CDK13: variants seen among roughly 807,000 people sequenced by gnomAD.
CDK13 encodes cyclin-dependent kinase 13.
Under a neutral mutation model 137.6 loss-of-function variants are expected in CDK13, and 40 were observed. That is an observed-to-expected ratio of 0.29 (90% confidence interval 0.23 to 0.38). The LOEUF (loss-of-function observed/expected upper bound fraction) is 0.38. Ranked by LOEUF, CDK13 falls within the 10% of genes least tolerant of loss-of-function variation. The pLI is 1.00. For missense variants in CDK13, 1,704 were observed against 1,951.8 expected (o/e 0.87, Z 2.39); for synonymous variants, 869 against 760.1 (o/e 1.14, Z -2.36).
intron 1 of CDK13, among the ~76,000 whole-genome samples, chr7:39,972,881 T>G (rs911308384): frequency 6.6e-6 from 1 of 152,202 alleles, no homozygotes; most frequent in African/African-American, 2.4e-5. Flanking sequence ...GTCAAGCTGT[T>G]TTTTAAAGTA....
intron 1 of CDK13, 130 bp from the exon 2 acceptor site, chr7:39,987,469 C>A: frequency 1.2e-6 from 1 of 831,414 alleles, no homozygotes; most frequent in Non-Finnish European, 1.8e-6. Flanking sequence ...TTTTTCAAAA[C>A]TTCAAAAATG....
In CDK13 at chr7:39,977,553, CTG is replaced by C. The variant is rs1311720173; in HGVS notation, c.1212-10043_1212-10042del. 5.3e-5 allele frequency among the ~76,000 whole-genome samples: 8 copies of C among 152,276 alleles called. No homozygotes were observed. In the East Asian group the frequency reaches 1.2e-3, roughly 22 times the overall value. ...GAGGGCTTTATAAAGGTGGTAAACA[CTG>C]TGCTGAGATACGAAGTATCCTTTTG... is the stretch of plus-strand genomic sequence containing the variant. On this transcript the variant is annotated intron_variant, in intron 1 of 13. Transcript: ENST00000181839.
chr7:39,951,216 A>G lies in CDK13; in HGVS notation c.575A>G (p.Glu192Gly), dbSNP rs947806089. The change falls in exon 1 of 14, where the codon GAG becomes GGG. Residue 192 changes from glutamate (E) to glycine (G), a missense_variant. Physicochemically the swap from Glu to Gly is moderately conservative, Grantham distance 98. Coordinates refer to ENST00000181839, the MANE Select transcript of CDK13 (RefSeq NM_003718.5). Reference sequence around the variant, plus strand: ...TCCTCCGGCACCCAGCGGCGCGGGGAGGGGTCGGAGCGCAGGCCCCGCCGG... The same window carrying G: ...TCCTCCGGCACCCAGCGGCGCGGGGGGGGGTCGGAGCGCAGGCCCCGCCGG... Reference protein sequence around the residue: ...ASSSGTQRRGEGSERRPRRDR... With the variant: ...ASSSGTQRRGGGSERRPRRDR... 3 of 1,253,742 alleles carry G rather than the reference A, an allele frequency of 2.4e-6. No homozygotes were observed. Among genetic ancestry groups the G allele is most frequent in the Non-Finnish European group, 3.0e-6 (3 of 1,001,662 alleles). The allele number at this position is 1,253,742 out of a possible 1,614,324, so 77.7% of individuals were successfully genotyped here. A position where few individuals can be genotyped will look rare whatever the true frequency, so the allele number is the denominator to read the frequency against.
rs1230659789 is a variant in CDK13, at chr7:39,951,236, C to G, written c.595C>G (p.Arg199Gly). The change falls in exon 1 of 14, where the codon CGC (arginine) becomes GGC (glycine). Residue 199 changes from arginine (R) to glycine (G), a missense_variant. This residue lies in a region of CDK13 where 1,051 missense variants were observed against 931.0 expected (regional missense o/e 1.13). Transcript: ENST00000181839. ...CGGGGAGGGGTCGGAGCGCAGGCCC[C>G]GCCGGGACCGCCGCAGCAGCAGTGG... ...RRGEGSERRP[R>G]RDRRSSSGRS... 2.3e-6 allele frequency: 3 copies of G among 1,287,502 alleles called. No homozygotes were observed. The highest frequency in any genetic ancestry group is 4.2e-5 in the Admixed American group (1 of 23,666). The allele number at this position is 1,287,502 out of a possible 1,614,324, so 79.8% of individuals were successfully genotyped here.
chr7:40,026,294 A>C (rs557391314), intron 5 of CDK13, among the ~76,000 whole-genome samples: 1 of 152,192 alleles, frequency 6.6e-6, no homozygotes, highest in East Asian at 1.9e-4. Flanking sequence ...GGATCTCTTG[A>C]GCTCAGGAGT....
At chr7:40,012,622 A>C (rs1189556672) in intron 5 of CDK13, among the ~76,000 whole-genome samples, 1 of 151,910 alleles carries the variant, frequency 6.6e-6, no homozygotes, top group Non-Finnish European at 1.5e-5. Context: ...AAAGATAATA[A>C]AAAATCTGAA....
chr7:40,033,488 G>A (rs1443534783), intron 5 of CDK13, among the ~76,000 whole-genome samples: 1 of 152,208 alleles, frequency 6.6e-6, no homozygotes, highest in Admixed American at 6.5e-5. Context: ...AGTACGTGGT[G>A]TAGAAGGAAC....
intron 9 of CDK13, among the ~76,000 whole-genome samples, chr7:40,064,400 G>A (rs768567799): frequency 5.3e-5 from 8 of 151,620 alleles, no homozygotes; most frequent in Non-Finnish European, 1.2e-4. Context: ...TTTTAGGAAA[G>A]ATATTGATAG....
rs888325578 is a variant in CDK13 at position 39,950,338 on chromosome 7, C to G, written c.-304C>G. 17 of 1,159,534 alleles carry G rather than the reference C, an allele frequency of 1.5e-5. No homozygotes were observed. The highest frequency in any genetic ancestry group is 1.7e-5 in the Non-Finnish European group (16 of 942,144). 71.8% of individuals were successfully genotyped at this position (1,159,534 alleles called of 1,614,324 possible). On this transcript the variant is annotated 5_prime_UTR_variant, in exon 1 of 14. Coordinates refer to ENST00000181839, the MANE Select transcript of CDK13 (RefSeq NM_003718.5). Reference sequence around the variant, plus strand: ...GGGGGCACTTGGAGGACTCGGGACTCCCCCGCAGGTCAGCGCCCGGCGCAT... The same window carrying G: ...GGGGGCACTTGGAGGACTCGGGACTGCCCCGCAGGTCAGCGCCCGGCGCAT...
At chr7:40,016,482 A>G (rs1785007877) in intron 5 of CDK13, among the ~76,000 whole-genome samples, 1 of 152,206 alleles carries the variant, frequency 6.6e-6, no homozygotes, top group African/African-American at 2.4e-5. Context: ...TAGTTGATCC[A>G]TCATACAGTT....
At chr7:40,033,951 A>G (rs552871278) in intron 5 of CDK13, among the ~76,000 whole-genome samples, 1 of 152,150 alleles carries the variant, frequency 6.6e-6, no homozygotes, top group African/African-American at 2.4e-5. Flanking sequence ...TCCCTTCTAG[A>G]TTGGTAAGGC....
chr7:39,991,199 T>C (rs1486754724), intron 2 of CDK13, among the ~76,000 whole-genome samples: 1 of 152,234 alleles, frequency 6.6e-6, no homozygotes, highest in Non-Finnish European at 1.5e-5. Context: ...TGTTTTTTGC[T>C]GAACAGCTAT....
rs564802719 is a variant in CDK13 at position 39,963,236 on chromosome 7, T to C, written c.1211+11384T>C. ...GGGCAGTATGGCCATTTTCATGATA[T>C]TGATTCTTCCTACCCATGAGCTTGG... On this transcript the variant is annotated intron_variant, in intron 1 of 13. Transcript: ENST00000181839. 6.0e-4 allele frequency among the ~76,000 whole-genome samples: 91 copies of C among 152,338 alleles called. 1 individual carries two copies. The highest frequency in any genetic ancestry group is 2.0e-3 in the African/African-American group (84 of 41,572).
At chr7:39,976,303 TCTCTCTCTCTCTCTCTCTCTCACACA>T (rs1276361044) in intron 1 of CDK13, among the ~76,000 whole-genome samples, 1 of 73,540 alleles carries the variant, frequency 1.4e-5, no homozygotes, top group African/African-American at 4.0e-5. Flanking sequence ...TCTCTCTCTC[TCTCTCTCTCTCTCTCTCTCTCACACA>T]CACACACACA....
intron 5 of CDK13, among the ~76,000 whole-genome samples, chr7:40,026,150 A>G (rs1584006241): frequency 6.6e-6 from 1 of 152,220 alleles, no homozygotes. Flanking sequence ...TATGGCCACT[A>G]TATCTTTTCT....
chr7:40,035,023 A>G (rs1196033279), intron 5 of CDK13, among the ~76,000 whole-genome samples: 1 of 152,160 alleles, frequency 6.6e-6, no homozygotes, highest in African/African-American at 2.4e-5. Context: ...AAAAATTTAG[A>G]AAATTGCAGC....
At chr7:40,045,680 G>A (rs924930209) in intron 5 of CDK13, among the ~76,000 whole-genome samples, 156 bp from the exon 6 acceptor site, 3 of 151,252 alleles carry the variant, frequency 2.0e-5, no homozygotes, top group Admixed American at 6.6e-5. Context: ...ATATTATTAA[G>A]TCCAGAGAGA....
In CDK13 at chr7:40,095,097, T is replaced by C; in HGVS notation, c.*117T>C. On this transcript the variant is annotated 3_prime_UTR_variant, in exon 14 of 14. Coordinates refer to ENST00000181839, the MANE Select transcript of CDK13 (RefSeq NM_003718.5). ...TAATTCAACAACAGCTTTATTTTTA[T>C]GTGGAGAAGGGTCTTGCATACAATA... The C allele has an allele frequency of 1.1e-6, 1 of 911,130 alleles. No individual in the cohort carries two copies. Among genetic ancestry groups the C allele is most frequent in the East Asian group, 2.9e-5 (1 of 34,246 alleles). 56.4% of individuals were successfully genotyped at this position (911,130 alleles called of 1,614,324 possible). A position where few individuals can be genotyped will look rare whatever the true frequency, so the allele number is the denominator to read the frequency against.
chr7:39,994,619 A>T lies in CDK13; in HGVS notation c.1872-2875A>T, dbSNP rs576367640. ...CTCAACATCAATGTTGCTCTACAAGAATTTAAGCTTGTCTTAGAACTTTTG... is the reference window on the plus strand; with the variant it reads ...CTCAACATCAATGTTGCTCTACAAGTATTTAAGCTTGTCTTAGAACTTTTG... On this transcript the variant is annotated intron_variant, in intron 2 of 13. Coordinates refer to ENST00000181839, the MANE Select transcript of CDK13 (RefSeq NM_003718.5). 7.9e-5 allele frequency among the ~76,000 whole-genome samples: 12 copies of T among 152,264 alleles called. No homozygotes were observed. The South Asian group carries it at 2.1e-3, about 26-fold the overall frequency.
Sources: gnomAD v4.1 joint callset for allele counts (sites outside exome capture counted in the v4.1 genomes callset) on GRCh38, gnomAD v4.1.1 for gene constraint, gnomAD v4.1.1 regional missense constraint, MANE v1.5 for transcripts, NCBI Gene and HGNC (gene_info 2026-07-23, HGNC 2026-07-21) for gene names.